Variants in R3HDM1 observed in about 807,000 individuals in gnomAD.
R3HDM1 encodes the protein R3H domain containing 1.
R3HDM1 carries 46 observed loss-of-function variants against 141.1 expected under a neutral mutation model. The ratio of observed to expected loss-of-function variants is 0.33; its 90% confidence interval spans 0.26 to 0.42. The LOEUF is 0.42. Among genes scored for constraint, R3HDM1 ranks in the 10% least tolerant of loss-of-function variants. R3HDM1 has a pLI of 1.00. For missense variants in R3HDM1, 1,184 were observed against 1,368.3 expected, an observed-to-expected ratio of 0.87 and a Z score of 2.12; for synonymous variants, 435 against 472.9, an observed-to-expected ratio of 0.92 and a Z score of 1.04.
chr2:135,652,912 T>C (rs1433789612), intron 18 of R3HDM1, among the ~76,000 whole-genome samples: 2 of 152,210 alleles, frequency 1.3e-5, no homozygotes, highest in African/African-American at 4.8e-5. Context: ...CATAAAATTG[T>C]TCTTAATATC....
rs1290036211 is a variant in R3HDM1, at chr2:135,576,936, T to G, written c.-249-25564T>G. 2.0e-5 allele frequency: 5 copies of G among 246,320 alleles called. No homozygotes were observed. In the East Asian group the frequency reaches 8.9e-4, roughly 44 times the overall value. 15.3% of individuals were successfully genotyped at this position (246,320 alleles called of 1,614,324 possible). On this transcript the variant is annotated intron_variant, in intron 1 of 26. Coordinates refer to ENST00000683871, the MANE Select transcript of R3HDM1 (RefSeq NM_001378107.1). ...ATGTTCTAAAATTTATTGTGATGGC[T>G]ACACAACTGTATGAATATACTAAAA... is the stretch of plus-strand genomic sequence containing the variant.
In R3HDM1 at chr2:135,722,529, A is replaced by G. The variant is rs1257076549; in HGVS notation, c.3025A>G (p.Thr1009Ala). 1 of 1,613,532 alleles carries G rather than the reference A, an allele frequency of 6.2e-7. No individual in the cohort carries two copies. Among genetic ancestry groups the G allele is most frequent in the Non-Finnish European group, 8.5e-7 (1 of 1,179,934 alleles). The change falls in exon 26 of 27, where the codon ACA becomes GCA. Residue 1009 changes from threonine to alanine, a missense_variant. Thr to Ala is a moderately conservative substitution (Grantham distance 58). Coordinates refer to ENST00000683871, the MANE Select transcript of R3HDM1 (RefSeq NM_001378107.1). ...GAGACAAGCTAAAAAAGCTGCATCC[A>G]CAGACCTTGGAGCAGGAGAAACAGG... ...GRRQAKKAAS[T>A]DLGAGETVVG...
chr2:135,721,878 G>A (rs1200874488), intron 24 of R3HDM1, 46 bp from the exon 25 acceptor site: 8 of 1,543,580 alleles, frequency 5.2e-6, no homozygotes, highest in East Asian at 2.3e-5. Context: ...ATGAACCACC[G>A]TGCCCGGCCT....
At chr2:135,665,092 C>G (rs2067293213) in intron 19 of R3HDM1, among the ~76,000 whole-genome samples, 1 of 152,154 alleles carries the variant, frequency 6.6e-6, no homozygotes, top group Admixed American at 6.5e-5. Context: ...AACCAACTGT[C>G]AATAACTGGA....
At chr2:135,718,388 T>C (rs2076372778) in intron 24 of R3HDM1, among the ~76,000 whole-genome samples, 1 of 152,228 alleles carries the variant, frequency 6.6e-6, no homozygotes, top group Non-Finnish European at 1.5e-5. Context: ...CACATATGCA[T>C]GAGTCAGCCC....
intron 24 of R3HDM1, among the ~76,000 whole-genome samples, chr2:135,720,346 G>A (rs559824208): frequency 6.6e-6 from 1 of 152,218 alleles, no homozygotes; most frequent in Non-Finnish European, 1.5e-5. Flanking sequence ...ACACCTTGCT[G>A]CTTTCTGTTA....
chr2:135,648,514 A>G (rs1266543317), intron 16 of R3HDM1, among the ~76,000 whole-genome samples: 1 of 152,214 alleles, frequency 6.6e-6, no homozygotes, highest in African/African-American at 2.4e-5. Flanking sequence ...AAGGAGATGC[A>G]TGAATATACA....
intron 18 of R3HDM1, among the ~76,000 whole-genome samples, chr2:135,657,591 T>C (rs1021218870): frequency 6.6e-6 from 1 of 152,074 alleles, no homozygotes; most frequent in Admixed American, 6.6e-5. Flanking sequence ...AAAACTAACC[T>C]AGGAATATTA....
chr2:135,597,607 G>C (rs976832215), intron 1 of R3HDM1, among the ~76,000 whole-genome samples: 9 of 151,980 alleles, frequency 5.9e-5, no homozygotes, highest in Admixed American at 5.2e-4. Flanking sequence ...TGCCTGCTTG[G>C]TTATATTTCT....
rs558638264 is a variant in R3HDM1 at position 135,613,653 on chromosome 2, TAAAAATAC to T, written c.172-2492_172-2485del. On this transcript the variant is annotated intron_variant, in intron 3 of 26. Transcript: ENST00000683871. ...CCACCCAGTGAAACCCTGTCTCTAC[TAAAAATAC>T]AAAAATTAGCTGGGCATGGTGGCAA... is the stretch of plus-strand genomic sequence containing the variant. Among the ~76,000 whole-genome samples, 33 of 152,180 alleles carry T rather than the reference TAAAAATAC, an allele frequency of 2.2e-4. No homozygotes were observed. The South Asian group carries it at 5.8e-3, about 27-fold the overall frequency.
intron 21 of R3HDM1, among the ~76,000 whole-genome samples, chr2:135,687,543 G>A (rs1054695766): frequency 3.3e-5 from 5 of 150,976 alleles, no homozygotes; most frequent in Admixed American, 2.6e-4. Context: ...TGTAATGAGT[G>A]AATACTTCTC....
chr2:135,615,727 G>A (rs2060965832), intron 3 of R3HDM1, among the ~76,000 whole-genome samples: 1 of 152,142 alleles, frequency 6.6e-6, no homozygotes, highest in Non-Finnish European at 1.5e-5. Flanking sequence ...GAAACATTAA[G>A]TTTGGAACTT....
At chr2:135,689,399 A>AG in intron 21 of R3HDM1, among the ~76,000 whole-genome samples, 1 of 152,332 alleles carries the variant, frequency 6.6e-6, no homozygotes, top group South Asian at 2.1e-4. Context: ...CTTAAACTCT[A>AG]GGTTACAGGG....
intron 7 of R3HDM1, among the ~76,000 whole-genome samples, chr2:135,631,177 G>A (rs1484634995): frequency 6.6e-6 from 1 of 152,040 alleles, no homozygotes; most frequent in Non-Finnish European, 1.5e-5. Context: ...TATTCCTGTT[G>A]TTACTGGCAT....
At chr2:135,705,069 C>T (rs1044744487) in intron 21 of R3HDM1, among the ~76,000 whole-genome samples, 7 of 152,312 alleles carry the variant, frequency 4.6e-5, no homozygotes, top group Middle Eastern at 3.4e-3. Context: ...CTTTGATTCA[C>T]AGTCCCAATA....
At chr2:135,636,874 G>A (rs1223264311) in intron 11 of R3HDM1, among the ~76,000 whole-genome samples, 1 of 151,844 alleles carries the variant, frequency 6.6e-6, no homozygotes, top group Non-Finnish European at 1.5e-5. Context: ...ATTTTATTGA[G>A]CACCTGTAGT....
intron 1 of R3HDM1, among the ~76,000 whole-genome samples, chr2:135,545,140 A>C (rs2104908303): frequency 6.6e-6 from 1 of 152,352 alleles, no homozygotes; most frequent in South Asian, 2.1e-4. Context: ...TTTAATTTTG[A>C]ATGTATCTGC....
Position 135,635,892 on chromosome 2 carries a change from C to T in R3HDM1, c.701C>T (p.Pro234Leu), listed in dbSNP as rs764132258. ...TGTTTTTGTTTTTGTTTTTTAAGACCTGATCAGAAATTTAATGAACATATT... is the reference window on the plus strand; with the variant it reads ...TGTTTTTGTTTTTGTTTTTTAAGACTTGATCAGAAATTTAATGAACATATT... ...IVNKTSNTRI[P>L]DQKFNEHIKD... is the part of the protein sequence containing the mutation. The change falls in exon 10 of 27, where the codon CCT becomes CTT. Residue 234 changes from proline to leucine, a missense_variant and splice_region_variant. Pro to Leu is a moderately conservative substitution (Grantham distance 98). Coordinates refer to ENST00000683871, the MANE Select transcript of R3HDM1 (RefSeq NM_001378107.1). 2 of 1,584,340 alleles carry T rather than the reference C, an allele frequency of 1.3e-6. No homozygotes were observed. The highest frequency in any genetic ancestry group is 1.2e-5 in the South Asian group (1 of 86,016).
chr2:135,620,689 G>A, intron 5 of R3HDM1: 1 of 944,960 alleles, frequency 1.1e-6, no homozygotes, highest in Non-Finnish European at 1.3e-6. Context: ...AACTGGTGTA[G>A]AATTTATTAT....
Sources: gnomAD v4.1 joint callset for allele counts (sites outside exome capture counted in the v4.1 genomes callset) on GRCh38, gnomAD v4.1.1 for gene constraint, MANE v1.5 for transcripts, NCBI Gene and HGNC (gene_info 2026-07-23, HGNC 2026-07-21) for gene names.